The following TMTC2 variants were observed in gnomAD, a reference collection of about 807,000 sequenced individuals.
TMTC2 encodes transmembrane O-mannosyltransferase targeting cadherins 2, also known as protein O-mannosyl-transferase TMTC2.
In TMTC2, 43 loss-of-function variants were observed where a neutral mutation model predicts 82.4. The observed-to-expected ratio is 0.52, with a 90% CI of 0.41 to 0.67. The LOEUF (loss-of-function observed/expected upper bound fraction) is 0.67. Among genes scored for constraint, TMTC2 ranks in the 30% least tolerant of loss-of-function variants. TMTC2 has a pLI of 0.00. For synonymous variants in TMTC2, 408 were observed against 381.9 expected (o/e 1.07, Z -0.80); for missense variants, 919 against 1,012.4 (o/e 0.91, Z 1.25).
At chr12:82,984,852 A>G (rs1879085684) in intron 7 of TMTC2, among the ~76,000 whole-genome samples, 1 of 152,058 alleles carries the variant, frequency 6.6e-6, no homozygotes, top group African/African-American at 2.4e-5. Flanking sequence ...CAACTTTTTT[A>G]TCCTGCTCTG....
At position 83,134,313 on chromosome 12, in the gene TMTC2, A is replaced by T. The variant is rs1035176550; in HGVS notation, c.*1924A>T. ...TGCAAAAAAAAAAAAGGAATTTAAT[A>T]TAAGGCTATAGAGATTAATTCAGTG... On this transcript the variant is annotated 3_prime_UTR_variant, in exon 12 of 12. Transcript: ENST00000321196. The T allele has an allele frequency of 1.3e-5, 2 of 152,006 alleles. No individual in the cohort carries two copies. The highest frequency in any genetic ancestry group is 2.9e-5 in the Non-Finnish European group (2 of 67,960). The allele number at this position is 152,006 out of a possible 1,614,324, so 9.4% of individuals were successfully genotyped here. A position where few individuals can be genotyped will look rare whatever the true frequency, so the allele number is the denominator to read the frequency against.
intron 9 of TMTC2, among the ~76,000 whole-genome samples, chr12:83,040,940 TC>T (rs1565865420): frequency 6.6e-6 from 1 of 152,076 alleles, no homozygotes; most frequent in Non-Finnish European, 1.5e-5. Flanking sequence ...TGCCTCAGCC[TC>T]CCAAAGTGCT....
intron 1 of TMTC2, among the ~76,000 whole-genome samples, chr12:82,790,367 A>G (rs1878406755): frequency 1.3e-5 from 2 of 151,998 alleles, no homozygotes; most frequent in Admixed American, 1.3e-4. Flanking sequence ...GAGAGAGTCA[A>G]TATTTGAAAT....
At chr12:82,765,371 C>T (rs1189920128) in intron 1 of TMTC2, among the ~76,000 whole-genome samples, 1 of 152,068 alleles carries the variant, frequency 6.6e-6, no homozygotes, top group Non-Finnish European at 1.5e-5. Flanking sequence ...ACTAATGACT[C>T]CCTAAAAACA....
At chr12:82,951,451 C>A (rs935880904) in intron 4 of TMTC2, among the ~76,000 whole-genome samples, 6 of 151,986 alleles carry the variant, frequency 3.9e-5, no homozygotes, top group African/African-American at 1.2e-4. Flanking sequence ...CCGCCACGCC[C>A]AGCTATTTTG....
intron 8 of TMTC2, chr12:83,021,759 T>C (rs1461151776): frequency 6.6e-6 from 1 of 152,080 alleles, no homozygotes; most frequent in African/African-American, 2.4e-5. Context: ...GTATTAACCT[T>C]CTAAGAGGTC....
At chr12:82,794,609 A>G (rs1366557580) in intron 1 of TMTC2, among the ~76,000 whole-genome samples, 2 of 152,180 alleles carry the variant, frequency 1.3e-5, no homozygotes, top group Non-Finnish European at 2.9e-5. Context: ...GGCTTCTATT[A>G]TAAGCACATT....
chr12:82,801,209 C>T (rs1279868593), intron 1 of TMTC2, among the ~76,000 whole-genome samples: 3 of 151,966 alleles, frequency 2.0e-5, no homozygotes, highest in African/African-American at 4.8e-5. Flanking sequence ...AATGAAGCCG[C>T]GGACCCTTGC....
chr12:82,741,519 C>T (rs1161980196), intron 1 of TMTC2, among the ~76,000 whole-genome samples: 1 of 152,178 alleles, frequency 6.6e-6, no homozygotes, highest in Non-Finnish European at 1.5e-5. Flanking sequence ...CCATGTTGGT[C>T]AGGCTGGTCT....
At chr12:82,711,911 A>G (rs1200313101) in intron 1 of TMTC2, among the ~76,000 whole-genome samples, 4 of 152,218 alleles carry the variant, frequency 2.6e-5, no homozygotes, top group Non-Finnish European at 5.9e-5. Context: ...TCGAAAAGAC[A>G]GCTCCTCTTA....
intron 11 of TMTC2, among the ~76,000 whole-genome samples, chr12:83,086,608 C>G (rs568190740): frequency 1.3e-5 from 2 of 152,052 alleles, no homozygotes; most frequent in Non-Finnish European, 2.9e-5. Flanking sequence ...ACTTTCAGAC[C>G]ACTGCAGTAG....
At chr12:82,872,395 A>G (rs1381140441) in intron 2 of TMTC2, among the ~76,000 whole-genome samples, 1 of 152,174 alleles carries the variant, frequency 6.6e-6, no homozygotes, top group Non-Finnish European at 1.5e-5. Flanking sequence ...CCTACTCTAC[A>G]TGGTGTTTCT....
At chr12:82,729,873 CAGCTTCACTCCTG>C (rs1249041264) in intron 1 of TMTC2, among the ~76,000 whole-genome samples, 1 of 152,158 alleles carries the variant, frequency 6.6e-6, no homozygotes, top group Non-Finnish European at 1.5e-5. Flanking sequence ...CGAAGGTCTG[CAGCTTCACTCCTG>C]AAGCCAGCAA....
intron 1 of TMTC2, among the ~76,000 whole-genome samples, chr12:82,750,009 A>G (rs896150676): frequency 4.6e-5 from 7 of 152,056 alleles, no homozygotes; most frequent in African/African-American, 1.7e-4. Flanking sequence ...AAGTGCTGGG[A>G]TTCCAGGCAT....
intron 1 of TMTC2, among the ~76,000 whole-genome samples, chr12:82,815,135 C>T (rs950544060): frequency 1.3e-5 from 2 of 151,104 alleles, no homozygotes; most frequent in Non-Finnish European, 2.9e-5. Context: ...TTCATGTAAG[C>T]TCCTGGTTCA....
At chr12:82,927,398 A>G (rs934637884) in intron 3 of TMTC2, among the ~76,000 whole-genome samples, 7 of 152,226 alleles carry the variant, frequency 4.6e-5, no homozygotes, top group Non-Finnish European at 8.8e-5. Context: ...TAACGTATTT[A>G]CAGATGAGGA....
At chr12:82,957,027 C>G (rs1231010447) in intron 4 of TMTC2, among the ~76,000 whole-genome samples, 1 of 152,140 alleles carries the variant, frequency 6.6e-6, no homozygotes, top group African/African-American at 2.4e-5. Flanking sequence ...ACTGGACCAA[C>G]TGGACTGATA....
intron 1 of TMTC2, among the ~76,000 whole-genome samples, chr12:82,809,941 G>A (rs143795219): frequency 2.6e-3 from 392 of 152,160 alleles, no homozygotes; most frequent in African/African-American, 9.1e-3. Context: ...CATAGACTTT[G>A]AATATTCTCC....
chr12:82,933,974 C>A (rs993675035), intron 4 of TMTC2, among the ~76,000 whole-genome samples: 1 of 152,020 alleles, frequency 6.6e-6, no homozygotes, highest in Non-Finnish European at 1.5e-5. Flanking sequence ...GAGTTATATT[C>A]CATGTTTGTA....
Sources: allele counts gnomAD v4.1 joint callset (sites outside exome capture counted in the v4.1 genomes callset), GRCh38; gene constraint gnomAD v4.1.1; transcripts MANE v1.5; gene names NCBI Gene and HGNC (gene_info 2026-07-23, HGNC 2026-07-21).